Variants in HYOU1 observed in about 807,000 individuals in gnomAD.
The protein encoded by HYOU1 is hypoxia up-regulated protein 1.
Under a neutral mutation model 120.5 loss-of-function variants are expected in HYOU1, and 40 were observed. The observed-to-expected ratio is 0.33, with a 90% CI of 0.26 to 0.43. The LOEUF (loss-of-function observed/expected upper bound fraction) is 0.43. Among genes scored for constraint, HYOU1 ranks in the 20% least tolerant of loss-of-function variants. HYOU1 has a pLI of 1.00. For synonymous variants in HYOU1, 501 were observed against 479.4 expected, an observed-to-expected ratio of 1.05 and a Z score of -0.59; for missense variants, 1,085 against 1,278.3, an observed-to-expected ratio of 0.85 and a Z score of 2.31.
chr11:119,046,447 G>T lies in HYOU1; in HGVS notation c.2857C>A (p.Pro953Thr), dbSNP rs2133549894. The T allele has an allele frequency of 6.2e-7, 1 of 1,614,120 alleles. No homozygotes were observed. Among genetic ancestry groups the T allele is most frequent in the South Asian group, 1.1e-5 (1 of 91,076 alleles). ...TCTACTTTCTCAGGTTCTGAAATGG[G>T]CTCTGCATCTTCAGTCTGGCCTAGA... Reference protein sequence around the residue: ...PPAGQTEDAEPISEPEKVETG... With the variant: ...PPAGQTEDAETISEPEKVETG... The change falls in exon 24 of 26, where the codon CCC (proline) becomes ACC (threonine). Residue 953 changes from proline (P) to threonine (T), a missense_variant. Transcript: ENST00000617285.
At chr11:119,045,991 G>T (rs1565704429) in intron 24 of HYOU1, among the ~76,000 whole-genome samples, 160 bp from the exon 25 acceptor site, 1 of 152,194 alleles carries the variant, frequency 6.6e-6, no homozygotes. Flanking sequence ...CAGAGTCTCT[G>T]TTGCCCAGGC....
rs936334255 is a variant in HYOU1 at position 119,055,971 on chromosome 11, C to A, written c.91+99G>T. ...AAAAGACAAAAAGGCCTGGACCTAA[C>A]AACTCAAGAGACTTCTGGCCAACAG... is the stretch of plus-strand genomic sequence containing the variant. On this transcript the variant is annotated intron_variant, in intron 2 of 25. Transcript: ENST00000617285. The surrounding 1 kb of genome is among the most constrained non-coding windows in gnomAD (Gnocchi z 4.0). The A allele has an allele frequency of 1.5e-6, 2 of 1,374,474 alleles. No individual in the cohort carries two copies. Among genetic ancestry groups the A allele is most frequent in the Non-Finnish European group, 2.1e-6 (2 of 963,164 alleles). 85.1% of individuals were successfully genotyped at this position (1,374,474 alleles called of 1,614,324 possible).
Position 119,055,071 on chromosome 11 carries a change from G to C in HYOU1, c.420-11C>G, listed in dbSNP as rs2133609752. ...GAGAACTGCAGCTGCCTGAGGGGAA[G>C]GAAGGTAGTTGGAGCCAAGGAAAGC... is the stretch of plus-strand genomic sequence containing the variant. On this transcript the variant is annotated splice_polypyrimidine_tract_variant and intron_variant, in intron 5 of 25. Coordinates refer to ENST00000617285, the MANE Select transcript of HYOU1 (RefSeq NM_006389.5). The surrounding 1 kb of genome is among the most constrained non-coding windows in gnomAD (Gnocchi z 4.0). 2 of 1,614,078 alleles carry C rather than the reference G, an allele frequency of 1.2e-6. No homozygotes were observed. The highest frequency in any genetic ancestry group is 2.7e-5 in the African/African-American group (2 of 75,020).
chr11:119,054,711 C>T lies in HYOU1; in HGVS notation c.497-36G>A, dbSNP rs2133607504. ...CAACAGAAAAGGGTCCCGCCGGCTC[C>T]ATACCTTAGATGAGGGCTTCTAATC... On this transcript the variant is annotated intron_variant, in intron 6 of 25. Coordinates refer to ENST00000617285, the MANE Select transcript of HYOU1 (RefSeq NM_006389.5). 7 of 1,593,382 alleles carry T rather than the reference C, an allele frequency of 4.4e-6. No homozygotes were observed. In the South Asian group the frequency reaches 7.8e-5, roughly 18 times the overall value.
In HYOU1 at chr11:119,048,601, C is replaced by T; in HGVS notation, c.2166-38G>A. On this transcript the variant is annotated intron_variant, in intron 18 of 25. Coordinates refer to ENST00000617285, the MANE Select transcript of HYOU1 (RefSeq NM_006389.5). The surrounding 1 kb of genome is among the most constrained non-coding windows in gnomAD (Gnocchi z 4.7). ...GGAGGGGTAGGGATGAGGGAGAGGG[C>T]AAGTGAGAACTTGAGACTCTGGGTC... 5 of 1,611,028 alleles carry T rather than the reference C, an allele frequency of 3.1e-6. No homozygotes were observed. Among genetic ancestry groups the T allele is most frequent in the Non-Finnish European group, 4.2e-6 (5 of 1,177,888 alleles).
In HYOU1 at chr11:119,055,387, C is replaced by T; in HGVS notation, c.265-48G>A. The stretch of plus-strand genomic sequence containing the variant: ...ACTAGTATTAGGCTCCCAAGTCCAC[C>T]ATTACCTACCTCTTACATCACAGAG... On this transcript the variant is annotated intron_variant, in intron 4 of 25. Transcript: ENST00000617285. The surrounding 1 kb of genome is among the most constrained non-coding windows in gnomAD (Gnocchi z 4.0). 6.2e-7 allele frequency: 1 copy of T among 1,608,054 alleles called. No individual in the cohort carries two copies. Among genetic ancestry groups the T allele is most frequent in the South Asian group, 1.1e-5 (1 of 90,822 alleles).
chr11:119,044,817 C>A lies in HYOU1; in HGVS notation c.*776G>T, dbSNP rs1943975784. Reference sequence around the variant, plus strand: ...AGATTATGACAGAGCTTGCACGATGCTGGCACCCCATGCCAACCACTCTAC... The same window carrying A: ...AGATTATGACAGAGCTTGCACGATGATGGCACCCCATGCCAACCACTCTAC... On this transcript the variant is annotated 3_prime_UTR_variant, in exon 26 of 26. Transcript: ENST00000617285. 4.0e-6 allele frequency: 1 copy of A among 252,100 alleles called. No individual in the cohort carries two copies. The highest frequency in any genetic ancestry group is 2.2e-5 in the African/African-American group (1 of 45,606). The allele number at this position is 252,100 out of a possible 1,614,324, so 15.6% of individuals were successfully genotyped here. A position where few individuals can be genotyped will look rare whatever the true frequency, so the allele number is the denominator to read the frequency against.
chr11:119,047,018 C>T (rs1944121554), intron 22 of HYOU1, among the ~76,000 whole-genome samples: 1 of 152,204 alleles, frequency 6.6e-6, no homozygotes, highest in Admixed American at 6.5e-5. Context: ...TTACATCCTA[C>T]TACTCTGGAG....
At chr11:119,045,906 A>ATGAAGAGCCAGC (rs2133546121) in intron 24 of HYOU1, 75 bp from the exon 25 acceptor site, 11 of 1,411,560 alleles carry the variant, frequency 7.8e-6, no homozygotes, top group Non-Finnish European at 1.1e-5. Flanking sequence ...CAGTTTTTCC[A>ATGAAGAGCCAGC]TGAAGAGCCA....
rs2133584636 is a variant in HYOU1 at position 119,051,400 on chromosome 11, C to T, written c.1526+38G>A. 8 of 1,604,660 alleles carry T rather than the reference C, an allele frequency of 5.0e-6. No individual in the cohort carries two copies. The highest frequency in any genetic ancestry group is 1.3e-5 in the African/African-American group (1 of 74,782). On this transcript the variant is annotated intron_variant, in intron 13 of 25. Transcript: ENST00000617285. The surrounding 1 kb of genome is among the most constrained non-coding windows in gnomAD (Gnocchi z 4.2). ...AGATTATCCAGCAGCCACGCCTCCC[C>T]CTCCCTGGAGCTCCCATCCTACACC...
chr11:119,048,585 G>T lies in HYOU1; in HGVS notation c.2166-22C>A. On this transcript the variant is annotated intron_variant, in intron 18 of 25. Transcript: ENST00000617285. This position sits in a 1 kb window ranked among gnomAD's most constrained non-coding sequence, Gnocchi z 4.7. ...AAGTCTATGGGACAAAGGAGGGGTA[G>T]GGATGAGGGAGAGGGCAAGTGAGAA... is the stretch of plus-strand genomic sequence containing the variant. 1 of 1,612,860 alleles carries T rather than the reference G, an allele frequency of 6.2e-7. No homozygotes were observed.
In HYOU1 at chr11:119,055,156, G is replaced by C. The variant is rs782787296; in HGVS notation, c.419+29C>G. 1 of 1,611,500 alleles carries C rather than the reference G, an allele frequency of 6.2e-7. No homozygotes were observed. Among genetic ancestry groups the C allele is most frequent in the Non-Finnish European group, 8.5e-7 (1 of 1,178,106 alleles). ...CAATGAGGAGCCCAGCAGCGTTGCC[G>C]AGACCACCTTCCCCAACAGAGCACT... On this transcript the variant is annotated intron_variant, in intron 5 of 25. Transcript: ENST00000617285. The surrounding 1 kb of genome is among the most constrained non-coding windows in gnomAD (Gnocchi z 4.0).
At position 119,055,758 on chromosome 11, in the gene HYOU1, G is replaced by A. The variant is rs1386564928; in HGVS notation, c.177C>T (p.Val59=). The A allele has an allele frequency of 6.2e-7, 1 of 1,613,634 alleles. No individual in the cohort carries two copies. The highest frequency in any genetic ancestry group is 8.5e-7 in the Non-Finnish European group (1 of 1,179,738). The change falls in exon 3 of 26, where the codon GTC becomes GTT. Residue 59 remains valine, a synonymous_variant. Coordinates refer to ENST00000617285, the MANE Select transcript of HYOU1 (RefSeq NM_006389.5). The surrounding 1 kb of genome is among the most constrained non-coding windows in gnomAD (Gnocchi z 4.0). Reference sequence around the variant, plus strand: ...ACGGGGGCCACCCTCACTTATTCAAGACAATTTCCATGGGCACTCCAGGTT... The same window carrying A: ...ACGGGGGCCACCCTCACTTATTCAAAACAATTTCCATGGGCACTCCAGGTT... ...IVKPGVPMEI[V]LNKESRRKTP... is the part of the protein sequence containing the mutation.
In HYOU1 at chr11:119,052,474, G is replaced by C. The variant is rs2133593300; in HGVS notation, c.988-45C>G. The C allele has an allele frequency of 6.2e-7, 1 of 1,612,948 alleles. No homozygotes were observed. Among genetic ancestry groups the C allele is most frequent in the Non-Finnish European group, 8.5e-7 (1 of 1,179,438 alleles). On this transcript the variant is annotated intron_variant, in intron 9 of 25. Coordinates refer to ENST00000617285, the MANE Select transcript of HYOU1 (RefSeq NM_006389.5). This position sits in a 1 kb window ranked among gnomAD's most constrained non-coding sequence, Gnocchi z 5.0. ...GTCAGGGGGTTCTTGCCCAGCTCCC[G>C]CTCTCTTGGTGAGTAGGACAGAAAC...
rs2133568704 is a variant in HYOU1, at chr11:119,048,971, T to C, written c.1992+47A>G. On this transcript the variant is annotated intron_variant, in intron 17 of 25. Transcript: ENST00000617285. The surrounding 1 kb of genome is among the most constrained non-coding windows in gnomAD (Gnocchi z 4.7). Reference sequence around the variant, plus strand: ...GGCCAGAAACAAGGCAGGCGCCTGCTCCCTTAGCCTCTGGATCCACACTGG... The same window carrying C: ...GGCCAGAAACAAGGCAGGCGCCTGCCCCCTTAGCCTCTGGATCCACACTGG... 13 of 1,611,594 alleles carry C rather than the reference T, an allele frequency of 8.1e-6. No homozygotes were observed.
At chr11:119,049,437 G>A (rs1944285176) in intron 16 of HYOU1, 119 bp downstream of exon 16, 19 of 1,563,664 alleles carry the variant, frequency 1.2e-5, no homozygotes, top group Middle Eastern at 1.7e-4. Flanking sequence ...GAGGATCCTG[G>A]GGAGTGAATG....
chr11:119,048,043 C>A lies in HYOU1; in HGVS notation c.2414G>T (p.Cys805Phe). 2 of 1,614,212 alleles carry A rather than the reference C, an allele frequency of 1.2e-6. No individual in the cohort carries two copies. Among genetic ancestry groups the A allele is most frequent in the Non-Finnish European group, 1.7e-6 (2 of 1,180,050 alleles). Reference protein sequence around the residue: ...KEKLAELRKLCQGLFFRVEER... With the variant: ...KEKLAELRKLFQGLFFRVEER... ...CTCTACCCGAAAAAACAGCCCTTGG[C>A]ACAGCTTCCTCAGCTCAGCCAGCTT... Residue 805 changes from cysteine (C) to phenylalanine (F), a missense_variant, in exon 21 of 26, where the codon TGC (cysteine) becomes TTC (phenylalanine). By Grantham distance (205) the Cys-to-Phe change is radical. Transcript: ENST00000617285. The surrounding 1 kb of genome is among the most constrained non-coding windows in gnomAD (Gnocchi z 4.7).
intron 24 of HYOU1, 55 bp downstream of exon 24, chr11:119,046,362 C>CT: frequency 6.4e-7 from 1 of 1,572,160 alleles, no homozygotes; most frequent in Admixed American, 1.7e-5. Context: ...GCCAGTTTGC[C>CT]TACCCCTGGG....
At position 119,055,672 on chromosome 11, in the gene HYOU1, G is replaced by A; in HGVS notation, c.185+78C>T. ...CCACTCAGATGCCGAAGTCTGCTGT[G>A]GGCACTATGACTAACACATTCACAC... On this transcript the variant is annotated intron_variant, in intron 3 of 25. Transcript: ENST00000617285. The surrounding 1 kb of genome is among the most constrained non-coding windows in gnomAD (Gnocchi z 4.0). 6.7e-7 allele frequency: 1 copy of A among 1,490,436 alleles called. No homozygotes were observed. The highest frequency in any genetic ancestry group is 9.4e-7 in the Non-Finnish European group (1 of 1,067,458). 92.3% of individuals were successfully genotyped at this position (1,490,436 alleles called of 1,614,324 possible).
Sources: allele counts gnomAD v4.1 joint callset (sites outside exome capture counted in the v4.1 genomes callset), GRCh38; gene constraint gnomAD v4.1.1; non-coding constraint Gnocchi (gnomAD v3.1); transcripts MANE v1.5; gene names NCBI Gene and HGNC (gene_info 2026-07-23, HGNC 2026-07-21).